CARMIL1: variants seen among roughly 807,000 people sequenced by gnomAD.
CARMIL1 encodes the protein F-actin-uncapping protein LRRC16A.
A neutral mutation model predicts 177.1 loss-of-function variants in CARMIL1; 90 were observed. The ratio of observed to expected loss-of-function variants is 0.51; its 90% CI spans 0.43 to 0.61. The LOEUF (loss-of-function observed/expected upper bound fraction) is 0.61. Among genes scored for constraint, CARMIL1 ranks in the 20% least tolerant of loss-of-function variants. The probability of loss-of-function intolerance (pLI) is 0.00; values close to 1 mark genes in which losing one functional copy is unlikely to be tolerated. For missense variants in CARMIL1, 1,380 were observed against 1,667.0 expected, an observed-to-expected ratio of 0.83 and a Z score of 3.00; for synonymous variants, 577 against 606.2, an observed-to-expected ratio of 0.95 and a Z score of 0.71.
chr6:25,595,797 A>C (rs981544092), intron 32 of CARMIL1, among the ~76,000 whole-genome samples: 1 of 152,166 alleles, frequency 6.6e-6, no homozygotes, highest in African/African-American at 2.4e-5. Context: ...CATATAGCAA[A>C]ATGGGAAATC....
intron 16 of CARMIL1, among the ~76,000 whole-genome samples, chr6:25,499,376 A>G (rs960779742): frequency 2.6e-5 from 4 of 152,168 alleles, no homozygotes; most frequent in Admixed American, 6.5e-5. Context: ...TGTTTTTCAC[A>G]AAGTCTGATT....
At chr6:25,567,023 T>C (rs1278844731) in intron 29 of CARMIL1, among the ~76,000 whole-genome samples, 1 of 152,130 alleles carries the variant, frequency 6.6e-6, no homozygotes, top group Non-Finnish European at 1.5e-5. Flanking sequence ...CAGCCAGGTG[T>C]GGTAGCTATT....
intron 2 of CARMIL1, among the ~76,000 whole-genome samples, chr6:25,404,521 A>C (rs6924540): frequency 0.45 from 67,645 of 151,806 alleles, 15,357 homozygotes; most frequent in Middle Eastern, 0.6. Context: ...CTTTGGGAGG[A>C]TGAGGTGGGC....
At chr6:25,287,671 T>TGAGGAAATTGAGATTTGGCGAGGCCA (rs1208055717) in intron 2 of CARMIL1, 1 of 152,264 alleles carries the variant, frequency 6.6e-6, no homozygotes, top group African/African-American at 2.4e-5. Flanking sequence ...ATTTTACAGA[T>TGAGGAAATTGAGATTTGGCGAGGCCA]GAGGAAATTG....
chr6:25,509,640 G>C lies in CARMIL1; in HGVS notation c.1396-16G>C. ...GAGTGAAGACTTTACTTTGTGTTTG[G>C]TTTGTGTTTCTCTAGCTGAGATCAG... On this transcript the variant is annotated splice_polypyrimidine_tract_variant and intron_variant, in intron 17 of 36. Transcript: ENST00000329474. This position sits in a 1 kb window ranked among gnomAD's most constrained non-coding sequence, Gnocchi z 4.1. 1 of 1,574,736 alleles carries C rather than the reference G, an allele frequency of 6.4e-7. No homozygotes were observed. The highest frequency in any genetic ancestry group is 1.2e-5 in the South Asian group (1 of 86,502).
In CARMIL1 at chr6:25,530,192, G is replaced by GA. The variant is rs1171000372; in HGVS notation, c.2067+1311dup. On this transcript the variant is annotated intron_variant, in intron 24 of 36. Transcript: ENST00000329474. ...GGAATCTCAGAACACCTAGAATACAGAAAAAAAAAAAATCTTAAAGCGTTC... is the reference window on the plus strand; with the variant it reads ...GGAATCTCAGAACACCTAGAATACAGAAAAAAAAAAAAATCTTAAAGCGTTC... Among the ~76,000 whole-genome samples the GA allele has an allele frequency of 9.0e-3, 1,230 of 137,330 alleles. 13 individuals carry two copies. The highest frequency in any genetic ancestry group is 0.03 in the Admixed American group (415 of 13,886). 90.1% of individuals were successfully genotyped at this position (137,330 alleles called of 152,430 possible).
At chr6:25,307,056 T>G (rs941535800) in intron 2 of CARMIL1, among the ~76,000 whole-genome samples, 1 of 152,090 alleles carries the variant, frequency 6.6e-6, no homozygotes, top group African/African-American at 2.4e-5. Context: ...TTTTTTTGTA[T>G]TTTTAGTAGA....
chr6:25,500,282 C>G, intron 17 of CARMIL1, 47 bp downstream of exon 17: 1 of 1,530,708 alleles, frequency 6.5e-7, no homozygotes, highest in South Asian at 1.1e-5. Flanking sequence ...ATAGCCTCAA[C>G]CGCTTTGCCT....
intron 12 of CARMIL1, among the ~76,000 whole-genome samples, chr6:25,483,248 A>AT (rs1216107089): frequency 2.0e-5 from 3 of 151,206 alleles, no homozygotes; most frequent in Non-Finnish European, 4.4e-5. Context: ...ACATCTTGCC[A>AT]TTTCTTAAGA....
At position 25,281,135 on chromosome 6, in the gene CARMIL1, C is replaced by CGTGTGT. The variant is rs1561928471; in HGVS notation, c.40+1301_40+1302insTGTGTG. Among the ~76,000 whole-genome samples, 18 of 107,976 alleles carry CGTGTGT rather than the reference C, an allele frequency of 1.7e-4. 1 individual carries two copies. Among genetic ancestry groups the CGTGTGT allele is most frequent in the East Asian group, 1.2e-3 (5 of 4,226 alleles). 70.8% of individuals were successfully genotyped at this position (107,976 alleles called of 152,430 possible). A position where few individuals can be genotyped will look rare whatever the true frequency, so the allele number is the denominator to read the frequency against. The stretch of plus-strand genomic sequence containing the variant: ...ACAGACGCACGCGCGTGTGCGCGCG[C>CGTGTGT]GCACACACACACACACACACACACA... On this transcript the variant is annotated intron_variant, in intron 1 of 36. Transcript: ENST00000329474.
intron 35 of CARMIL1, among the ~76,000 whole-genome samples, chr6:25,607,213 GGT>G (rs1816058599): frequency 7.5e-6 from 1 of 133,358 alleles, no homozygotes; most frequent in Non-Finnish European, 1.7e-5. Context: ...ACACACATTA[GGT>G]TTTTTTTTTT....
Position 25,577,194 on chromosome 6 carries a change from A to C in CARMIL1, c.2743-3730A>C. The stretch of plus-strand genomic sequence containing the variant: ...GTTCAGCTAGCAAAACAGGCGATGA[A>C]TTTAAAATATCTCCAGCCATGTGCC... On this transcript the variant is annotated intron_variant, in intron 29 of 36. Transcript: ENST00000329474. This position sits in a 1 kb window ranked among gnomAD's most constrained non-coding sequence, Gnocchi z 4.5. 4.6e-6 allele frequency: 4 copies of C among 867,754 alleles called. No homozygotes were observed. The highest frequency in any genetic ancestry group is 2.8e-6 in the Non-Finnish European group (2 of 722,698). The allele number at this position is 867,754 out of a possible 1,614,324, so 53.8% of individuals were successfully genotyped here. A position where few individuals can be genotyped will look rare whatever the true frequency, so the allele number is the denominator to read the frequency against.
intron 2 of CARMIL1, among the ~76,000 whole-genome samples, chr6:25,343,847 A>T (rs758861864): frequency 6.6e-6 from 1 of 151,394 alleles, no homozygotes; most frequent in African/African-American, 2.4e-5. Context: ...ACCCTTTTTC[A>T]TCTTTCCCGT....
At chr6:25,594,320 C>A in intron 31 of CARMIL1, 95 bp from the exon 32 acceptor site, 1 of 733,334 alleles carries the variant, frequency 1.4e-6, no homozygotes, top group South Asian at 1.9e-5. Context: ...CCTTGTCCCT[C>A]CCATAGCCCT....
chr6:25,496,472 C>CAAAAAAA (rs34420791), intron 16 of CARMIL1, among the ~76,000 whole-genome samples: 1 of 101,602 alleles, frequency 9.8e-6, no homozygotes, highest in Non-Finnish European at 1.9e-5. Context: ...GACTCCATCT[C>CAAAAAAA]AAAAAAAAAA....
intron 2 of CARMIL1, among the ~76,000 whole-genome samples, chr6:25,394,123 TC>T (rs1456848274): frequency 6.6e-6 from 1 of 152,200 alleles, no homozygotes; most frequent in Non-Finnish European, 1.5e-5. Flanking sequence ...TATCTCTCCA[TC>T]CCTCTGTCAT....
At chr6:25,493,882 T>C (rs9467527) in intron 15 of CARMIL1, among the ~76,000 whole-genome samples, 21,173 of 152,132 alleles carry the variant, frequency 0.14, 1,787 homozygotes, top group Admixed American at 0.19. Context: ...TGTTCCACTA[T>C]ATGGAAACAG....
At chr6:25,383,283 A>G (rs895696926) in intron 2 of CARMIL1, among the ~76,000 whole-genome samples, 1 of 152,188 alleles carries the variant, frequency 6.6e-6, no homozygotes, top group African/African-American at 2.4e-5. Context: ...ATGTCTTTAT[A>G]AGGTTTCAAA....
intron 2 of CARMIL1, among the ~76,000 whole-genome samples, chr6:25,349,599 T>C (rs1379090538): frequency 6.6e-6 from 1 of 152,222 alleles, no homozygotes; most frequent in Non-Finnish European, 1.5e-5. Context: ...TTTAAAAGAT[T>C]GGTAGTTCCC....
Sources: allele counts gnomAD v4.1 joint callset (sites outside exome capture counted in the v4.1 genomes callset), GRCh38; gene constraint gnomAD v4.1.1; non-coding constraint Gnocchi (gnomAD v3.1); transcripts MANE v1.5; gene names NCBI Gene and HGNC (gene_info 2026-07-23, HGNC 2026-07-21).